MACROD2: variants seen among roughly 807,000 people sequenced by gnomAD.
MACROD2 encodes the protein ADP-ribose glycohydrolase MACROD2.
A neutral mutation model predicts 70.4 loss-of-function variants in MACROD2; 36 were observed. The observed-to-expected ratio is 0.51, with a 90% CI of 0.39 to 0.68. MACROD2 has a LOEUF of 0.68. Ranked by LOEUF, MACROD2 falls within the 30% of genes least tolerant of loss-of-function variation. MACROD2 has a pLI of 0.00. For synonymous variants in MACROD2, 172 were observed against 178.8 expected, an observed-to-expected ratio of 0.96 and a Z score of 0.30; for missense variants, 496 against 538.4, an observed-to-expected ratio of 0.92 and a Z score of 0.78.
At chr20:15,174,080 G>A (rs2076442096) in intron 5 of MACROD2, among the ~76,000 whole-genome samples, 1 of 152,112 alleles carries the variant, frequency 6.6e-6, no homozygotes, top group East Asian at 1.9e-4. Context: ...ATACACCCAA[G>A]ACTTTTAAAT....
intron 2 of MACROD2, among the ~76,000 whole-genome samples, chr20:14,077,727 T>G (rs553675275): frequency 7.9e-5 from 12 of 152,298 alleles, no homozygotes; most frequent in African/African-American, 2.6e-4. Context: ...CTTTATGTTT[T>G]CAAGCTGGCT....
At position 14,304,340 on chromosome 20, in the gene MACROD2, C is replaced by T. The variant is rs73092404; in HGVS notation, c.272-189139C>T. On this transcript the variant is annotated intron_variant, in intron 3 of 17. Transcript: ENST00000684519. ...TCCCTTGATGTGTGGATTATACTTT[C>T]CCAGGTTCAGGTAGTATCCATTCTG... Among the ~76,000 whole-genome samples the T allele has an allele frequency of 8.5e-3, 1,295 of 152,288 alleles. 13 individuals carry two copies. The highest frequency in any genetic ancestry group is 0.013 in the Non-Finnish European group (871 of 68,022).
chr20:14,625,792 T>C (rs1984111604), intron 4 of MACROD2, among the ~76,000 whole-genome samples: 1 of 152,138 alleles, frequency 6.6e-6, no homozygotes, highest in African/African-American at 2.4e-5. Flanking sequence ...CTGGCATCAC[T>C]GTTTGAGGGC....
chr20:15,363,619 C>G (rs922668756), intron 6 of MACROD2, among the ~76,000 whole-genome samples: 1 of 152,160 alleles, frequency 6.6e-6, no homozygotes, highest in Admixed American at 6.5e-5. Context: ...ATAAACTCTT[C>G]TGCAGGCAAA....
chr20:14,320,662 AATTTTTTTTTT>A (rs750619908), intron 3 of MACROD2, among the ~76,000 whole-genome samples: 2 of 123,060 alleles, frequency 1.6e-5, no homozygotes, highest in Admixed American at 9.2e-5. Flanking sequence ...TCACCTTTGG[AATTTTTTTTTT>A]TTTTTTTTTT....
At chr20:14,322,190 A>ATATATATATATATATATG (rs1419896739) in intron 3 of MACROD2, among the ~76,000 whole-genome samples, 2 of 130,104 alleles carry the variant, frequency 1.5e-5, no homozygotes, top group African/African-American at 5.5e-5. Flanking sequence ...ATATATATAT[A>ATATATATATATATATATG]TATATATATA....
intron 5 of MACROD2, among the ~76,000 whole-genome samples, chr20:14,937,333 A>C (rs2074349254): frequency 6.6e-6 from 1 of 152,126 alleles, no homozygotes; most frequent in East Asian, 1.9e-4. Flanking sequence ...TGTAGGGCAG[A>C]GTTTGGTTCC....
chr20:15,188,221 C>T lies in MACROD2; in HGVS notation c.419-41719C>T, dbSNP rs143971060. ...ACAAAGCAGAACTGACCACTTGCCT[C>T]AATTCCGTATCAAAGTTTATTTTCC... On this transcript the variant is annotated intron_variant, in intron 5 of 17. Coordinates refer to ENST00000684519, the MANE Select transcript of MACROD2 (RefSeq NM_001351661.2). 5.8e-4 allele frequency among the ~76,000 whole-genome samples: 88 copies of T among 152,332 alleles called. 1 individual carries two copies. Among genetic ancestry groups the T allele is most frequent in the African/African-American group, 1.9e-3 (80 of 41,588 alleles).
chr20:15,700,375 T>C (rs2050439535), intron 8 of MACROD2, among the ~76,000 whole-genome samples: 1 of 152,206 alleles, frequency 6.6e-6, no homozygotes, highest in East Asian at 1.9e-4. Flanking sequence ...TGGCGATGGT[T>C]TCGCAGGGGC....
intron 4 of MACROD2, among the ~76,000 whole-genome samples, chr20:14,584,376 A>G (rs1981235889): frequency 1.3e-5 from 2 of 152,176 alleles, no homozygotes; most frequent in African/African-American, 4.8e-5. Flanking sequence ...AATACCATCG[A>G]CTGGGTAGCT....
intron 5 of MACROD2, among the ~76,000 whole-genome samples, chr20:14,726,424 G>A (rs969920513): frequency 5.9e-5 from 9 of 152,120 alleles, no homozygotes; most frequent in African/African-American, 1.9e-4. Context: ...GGATCAGAAC[G>A]AATGAAGCGA....
chr20:15,082,698 G>A (rs1408669213), intron 5 of MACROD2, among the ~76,000 whole-genome samples: 1 of 152,016 alleles, frequency 6.6e-6, no homozygotes, highest in East Asian at 1.9e-4. Context: ...AATTAATGAA[G>A]ATTTACAATT....
At chr20:15,038,778 T>G (rs369019719) in intron 5 of MACROD2, among the ~76,000 whole-genome samples, 11 of 152,082 alleles carry the variant, frequency 7.2e-5, no homozygotes, top group African/African-American at 2.7e-4. Context: ...GCAGTTTGGG[T>G]TGAGGAAGGC....
chr20:15,519,109 TCC>T (rs1487135999), intron 8 of MACROD2, among the ~76,000 whole-genome samples: 12 of 148,138 alleles, frequency 8.1e-5, no homozygotes, highest in African/African-American at 2.7e-4. Flanking sequence ...CTTCCTTCCT[TCC>T]TTCCTTCCTT....
At chr20:15,376,554 C>A (rs1422396612) in intron 6 of MACROD2, among the ~76,000 whole-genome samples, 2 of 152,204 alleles carry the variant, frequency 1.3e-5, no homozygotes, top group Non-Finnish European at 1.5e-5. Context: ...TCAGTAAAGG[C>A]AGTCTTATTC....
At chr20:14,586,471 A>G (rs1981384997) in intron 4 of MACROD2, among the ~76,000 whole-genome samples, 1 of 152,118 alleles carries the variant, frequency 6.6e-6, no homozygotes, top group Admixed American at 6.6e-5. Context: ...ACTTTCTGCT[A>G]TAACAATAAA....
At chr20:14,677,322 A>C (rs2070873771) in intron 4 of MACROD2, among the ~76,000 whole-genome samples, 1 of 152,238 alleles carries the variant, frequency 6.6e-6, no homozygotes, top group South Asian at 2.1e-4. Context: ...AATATGAACA[A>C]AAGTGACAAC....
chr20:14,123,557 A>G (rs1389320038), intron 3 of MACROD2, among the ~76,000 whole-genome samples: 1 of 152,196 alleles, frequency 6.6e-6, no homozygotes, highest in Non-Finnish European at 1.5e-5. Flanking sequence ...CTTGGACAAG[A>G]AAATATAAAG....
intron 6 of MACROD2, among the ~76,000 whole-genome samples, chr20:15,327,052 C>T (rs149138716): frequency 8.0e-4 from 122 of 152,140 alleles, no homozygotes; most frequent in Middle Eastern, 6.8e-3. Context: ...ATACATTTTA[C>T]GTAATACAGA....
Sources: allele counts gnomAD v4.1 joint callset (sites outside exome capture counted in the v4.1 genomes callset), GRCh38; gene constraint gnomAD v4.1.1; transcripts MANE v1.5; gene names NCBI Gene and HGNC (gene_info 2026-07-23, HGNC 2026-07-21).